The following GATB variants were observed in gnomAD, a reference collection of about 807,000 sequenced individuals.
GATB encodes the protein glutamyl-tRNA amidotransferase subunit B, also known as glutamyl-tRNA(Gln) amidotransferase subunit B, mitochondrial.
A neutral mutation model predicts 62.3 loss-of-function variants in GATB; 39 were observed. That is an observed-to-expected ratio of 0.63 (90% CI 0.48 to 0.82). GATB has a LOEUF of 0.82. GATB is among the 40% of genes least tolerant of loss of function. The pLI is 0.00. For missense variants in GATB, 670 were observed against 684.0 expected (o/e 0.98, Z 0.23); for synonymous variants, 276 against 258.9 (o/e 1.07, Z -0.63).
At chr4:151,751,160 T>C (rs906362398) in intron 2 of GATB, among the ~76,000 whole-genome samples, 1 of 152,056 alleles carries the variant, frequency 6.6e-6, no homozygotes, top group Admixed American at 6.6e-5. Flanking sequence ...GGGTAAGAGT[T>C]GTGAGAACAG....
At chr4:151,722,022 A>G (rs541914322) in intron 2 of GATB, 8 of 590,862 alleles carry the variant, frequency 1.4e-5, no homozygotes, top group Non-Finnish European at 2.1e-5. Context: ...GGTCAGAATT[A>G]TAAGCATCAG....
chr4:151,691,666 A>G (rs980475786), intron 9 of GATB: 1 of 152,288 alleles, frequency 6.6e-6, no homozygotes, highest in Non-Finnish European at 1.5e-5. Context: ...ACCTTCAGAG[A>G]TGATCAAATG....
In GATB at chr4:151,758,856, G is replaced by A; in HGVS notation, c.243C>T (p.Leu81=). 6.2e-7 allele frequency: 1 copy of A among 1,611,362 alleles called. No homozygotes were observed. The highest frequency in any genetic ancestry group is 8.5e-7 in the Non-Finnish European group (1 of 1,178,470). Residue 81 remains leucine, a synonymous_variant, in exon 2 of 13, where the codon CTC becomes CTT. Transcript: ENST00000263985. ...AAAAGCGAACTTGAGATCCAGAGAA[G>A]AGTTTAGAGTTGGAGGAAATCTGGG... is the stretch of plus-strand genomic sequence containing the variant. The part of the protein sequence containing the change: ...IHAQISSNSK[L]FSGSQVRFSA...
At position 151,688,768 on chromosome 4, in the gene GATB, TAA is replaced by T. The variant is rs11292952; in HGVS notation, c.1198-7_1198-6del. ...CTCCAGTAGGCCGACTTCGTTCTGT[TAA>T]AAAAAAAAAAAGAAAATTACATAAA... On this transcript the variant is annotated splice_region_variant and splice_polypyrimidine_tract_variant and intron_variant, in intron 9 of 12. Transcript: ENST00000263985. 0.038 allele frequency: 50,716 copies of T among 1,325,930 alleles called. No individual in the cohort carries two copies. Among genetic ancestry groups the T allele is most frequent in the South Asian group, 0.094 (6,370 of 67,688 alleles). 82.1% of individuals were successfully genotyped at this position (1,325,930 alleles called of 1,614,324 possible). A position where few individuals can be genotyped will look rare whatever the true frequency, so the allele number is the denominator to read the frequency against.
At chr4:151,701,656 C>A in intron 8 of GATB, 138 bp from the exon 9 acceptor site, 1 of 613,886 alleles carries the variant, frequency 1.6e-6, no homozygotes, top group Non-Finnish European at 2.4e-6. Context: ...CCTATTACGT[C>A]AATTCTGTTT....
At chr4:151,742,310 G>C (rs112819003) in intron 2 of GATB, among the ~76,000 whole-genome samples, 1 of 151,740 alleles carries the variant, frequency 6.6e-6, no homozygotes, top group African/African-American at 2.4e-5. Flanking sequence ...GGATGGTCTC[G>C]ATCTCCTGAC....
At chr4:151,715,160 G>A (rs900903868) in intron 5 of GATB, among the ~76,000 whole-genome samples, 1 of 152,164 alleles carries the variant, frequency 6.6e-6, no homozygotes, top group Admixed American at 6.5e-5. Flanking sequence ...GGGATTTCCT[G>A]GGCACCTGCT....
intron 2 of GATB, among the ~76,000 whole-genome samples, chr4:151,752,691 C>T (rs1739743734): frequency 6.6e-6 from 1 of 152,126 alleles, no homozygotes; most frequent in South Asian, 2.1e-4. Context: ...TTTATAAAAG[C>T]TATTAATTTT....
intron 9 of GATB, among the ~76,000 whole-genome samples, chr4:151,694,921 T>C (rs984046009): frequency 3.3e-5 from 5 of 152,240 alleles, no homozygotes; most frequent in African/African-American, 4.8e-5. Context: ...TCTTTGTCCC[T>C]TGGAGACACC....
intron 2 of GATB, among the ~76,000 whole-genome samples, chr4:151,757,572 A>C (rs929658980): frequency 1.6e-4 from 23 of 144,228 alleles, no homozygotes; most frequent in Non-Finnish European, 3.0e-5. Flanking sequence ...TCCCAGGTTC[A>C]CGCCATTCTC....
In GATB at chr4:151,717,053, G is replaced by C. The variant is rs770311634; in HGVS notation, c.463C>G (p.Gln155Glu). 3.1e-6 allele frequency: 5 copies of C among 1,614,142 alleles called. No individual in the cohort carries two copies. Among genetic ancestry groups the C allele is most frequent in the Non-Finnish European group, 4.2e-6 (5 of 1,180,032 alleles). ...CCATTCACAGCAATTGGGAGCCTCT[G>C]CTGGGTAATTTGGTAGCCTGCCTGC... ...DLPAGYQITQQRLPIAVNGSL... is the reference protein window; with the variant it reads ...DLPAGYQITQERLPIAVNGSL... The change falls in exon 4 of 13, where the codon CAG becomes GAG. Residue 155 changes from glutamine to glutamate, a missense_variant. By Grantham distance (29) the Gln-to-Glu change is conservative. Coordinates refer to ENST00000263985, the MANE Select transcript of GATB (RefSeq NM_004564.3).
chr4:151,717,141 TC>T, intron 3 of GATB, 67 bp from the exon 4 acceptor site: 1 of 1,450,098 alleles, frequency 6.9e-7, no homozygotes, highest in South Asian at 1.2e-5. Context: ...CAGTTTACTA[TC>T]CCTTTTACAA....
intron 2 of GATB, chr4:151,722,304 C>A: frequency 1.5e-6 from 1 of 683,110 alleles, no homozygotes; most frequent in South Asian, 1.6e-5. Context: ...CTCAATGAAT[C>A]CGCAGTGGTG....
chr4:151,706,549 C>T (rs947176498), intron 6 of GATB, among the ~76,000 whole-genome samples: 16 of 152,162 alleles, frequency 1.1e-4, no homozygotes, highest in African/African-American at 1.9e-4. Context: ...TGTCCCTTTC[C>T]GGATGCAGAA....
At chr4:151,706,920 C>T (rs1738726801) in intron 6 of GATB, among the ~76,000 whole-genome samples, 2 of 152,194 alleles carry the variant, frequency 1.3e-5, no homozygotes, top group African/African-American at 2.4e-5. Context: ...CTTTTTAGTC[C>T]TCTGAGGTCC....
At chr4:151,740,232 T>C (rs1158330196) in intron 2 of GATB, among the ~76,000 whole-genome samples, 1 of 152,228 alleles carries the variant, frequency 6.6e-6, no homozygotes, top group Non-Finnish European at 1.5e-5. Flanking sequence ...TCTTTCCTAG[T>C]ACAGTCGTGC....
chr4:151,746,767 G>C (rs1294502568), intron 2 of GATB, among the ~76,000 whole-genome samples: 9 of 152,276 alleles, frequency 5.9e-5, no homozygotes, highest in Admixed American at 1.3e-4. Flanking sequence ...GGAGGGGGTT[G>C]GTCAAGACAG....
At chr4:151,687,302 G>A (rs561711159) in intron 10 of GATB, among the ~76,000 whole-genome samples, 3 of 152,340 alleles carry the variant, frequency 2.0e-5, no homozygotes, top group South Asian at 2.1e-4. Context: ...AAGTCAGCAC[G>A]TCTGAAATGG....
chr4:151,677,938 C>T (rs1269584251), intron 11 of GATB: 1 of 152,022 alleles, frequency 6.6e-6, no homozygotes, highest in Admixed American at 6.5e-5. Flanking sequence ...CTTCCTCCCT[C>T]CTCCTCCTTC....
Sources: gnomAD v4.1 joint callset for allele counts (sites outside exome capture counted in the v4.1 genomes callset) on GRCh38, gnomAD v4.1.1 for gene constraint, MANE v1.5 for transcripts, NCBI Gene and HGNC (gene_info 2026-07-23, HGNC 2026-07-21) for gene names.